Variants in UNC5C observed in about 807,000 individuals in gnomAD.
UNC5C encodes unc-5 netrin receptor C.
UNC5C carries 47 observed loss-of-function variants against 99.8 expected under a neutral mutation model. The observed-to-expected ratio is 0.47, with a 90% CI of 0.37 to 0.60. The LOEUF (loss-of-function observed/expected upper bound fraction) is 0.60. Among genes scored for constraint, UNC5C ranks in the 20% least tolerant of loss-of-function variants. UNC5C has a pLI of 0.00. For missense variants in UNC5C, 1,062 were observed against 1,165.9 expected, an observed-to-expected ratio of 0.91 and a Z score of 1.30; for synonymous variants, 487 against 452.2, an observed-to-expected ratio of 1.08 and a Z score of -0.98.
chr4:95,278,449 AT>A, intron 3 of UNC5C, 87 bp from the exon 4 acceptor site: 1 of 967,626 alleles, frequency 1.0e-6, no homozygotes, highest in Non-Finnish European at 1.6e-6. Context: ...CTGGCTTAGT[AT>A]TTTATCTGTG....
intron 1 of UNC5C, among the ~76,000 whole-genome samples, chr4:95,359,484 T>G (rs1327898578): frequency 3.4e-5 from 5 of 144,942 alleles, no homozygotes; most frequent in Admixed American, 6.7e-5. Flanking sequence ...CTATACTGTT[T>G]CTAAAAAAAA....
At chr4:95,280,566 G>A (rs544065273) in intron 3 of UNC5C, among the ~76,000 whole-genome samples, 16 of 152,124 alleles carry the variant, frequency 1.1e-4, no homozygotes, top group African/African-American at 3.6e-4. Flanking sequence ...GCGTGGGCCT[G>A]TAGTCCTAGC....
At chr4:95,368,374 G>A (rs577807094) in intron 1 of UNC5C, among the ~76,000 whole-genome samples, 3 of 148,522 alleles carry the variant, frequency 2.0e-5, no homozygotes, top group Non-Finnish European at 3.0e-5. Flanking sequence ...TCCCATTATG[G>A]CATTGGTAAG....
At chr4:95,301,059 T>C (rs1047933316) in intron 3 of UNC5C, among the ~76,000 whole-genome samples, 3 of 152,094 alleles carry the variant, frequency 2.0e-5, no homozygotes, top group African/African-American at 4.8e-5. Context: ...TCACATACCA[T>C]GTAAATATAT....
intron 1 of UNC5C, among the ~76,000 whole-genome samples, chr4:95,478,928 C>T (rs189872003): frequency 1.6e-4 from 25 of 151,822 alleles, no homozygotes; most frequent in African/African-American, 6.0e-4. Flanking sequence ...TTAAAAGGAA[C>T]CTGGCACCTT....
intron 1 of UNC5C, among the ~76,000 whole-genome samples, chr4:95,463,192 G>A (rs1284004700): frequency 1.3e-5 from 2 of 152,024 alleles, no homozygotes; most frequent in Non-Finnish European, 2.9e-5. Context: ...TGTCAGCCAG[G>A]CTGCAGTGCC....
chr4:95,205,344 A>C (rs1228956208), intron 11 of UNC5C, among the ~76,000 whole-genome samples: 1 of 152,222 alleles, frequency 6.6e-6, no homozygotes, highest in Admixed American at 6.5e-5. Flanking sequence ...AACAGAATGA[A>C]AGTTAGATCT....
chr4:95,545,647 C>T (rs116318565), intron 1 of UNC5C, among the ~76,000 whole-genome samples: 87 of 152,192 alleles, frequency 5.7e-4, no homozygotes, highest in African/African-American at 2.0e-3. Context: ...GGTGTTAACA[C>T]TCATAACACT....
intron 1 of UNC5C, among the ~76,000 whole-genome samples, chr4:95,424,483 T>C (rs1343309274): frequency 6.7e-6 from 1 of 149,886 alleles, no homozygotes; most frequent in Non-Finnish European, 1.5e-5. Flanking sequence ...GATATTTTTC[T>C]ATGTAACAGG....
intron 1 of UNC5C, among the ~76,000 whole-genome samples, chr4:95,371,616 G>A (rs781302524): frequency 2.6e-5 from 4 of 152,060 alleles, no homozygotes; most frequent in Non-Finnish European, 5.9e-5. Context: ...TTTCACTTGA[G>A]AAACAGGGAT....
intron 1 of UNC5C, among the ~76,000 whole-genome samples, chr4:95,375,539 G>A (rs1279594514): frequency 2.0e-5 from 3 of 152,050 alleles, no homozygotes; most frequent in Non-Finnish European, 4.4e-5. Context: ...ACCCACAAAA[G>A]CATCATACAA....
At chr4:95,250,293 G>A (rs1315150590) in intron 5 of UNC5C, among the ~76,000 whole-genome samples, 194 bp downstream of exon 5, 1 of 152,134 alleles carries the variant, frequency 6.6e-6, no homozygotes, top group Admixed American at 6.6e-5. Context: ...GCTGAGGTGG[G>A]AGTATCCCTT....
intron 1 of UNC5C, among the ~76,000 whole-genome samples, chr4:95,495,163 AT>A (rs1211659383): frequency 6.6e-6 from 1 of 151,276 alleles, no homozygotes; most frequent in Non-Finnish European, 1.5e-5. Flanking sequence ...ATTGTTCTCT[AT>A]TTTTTTCTTT....
chr4:95,358,615 TCTC>T (rs1744288838), intron 1 of UNC5C, among the ~76,000 whole-genome samples: 1 of 152,182 alleles, frequency 6.6e-6, no homozygotes. Context: ...AGTCCTCACT[TCTC>T]CTTAACATTT....
chr4:95,216,191 C>T lies in UNC5C; in HGVS notation c.1666G>A (p.Ala556Thr), dbSNP rs774698598. The stretch of plus-strand genomic sequence containing the variant: ...ACTCTCCCTTGGGGAATGGCCCCAG[C>T]GGGAATCAGCAAGCTGACTCCTGAA... Reference protein sequence around the residue: ...PNSGVSLLIPAGAIPQGRVYE... With the variant: ...PNSGVSLLIPTGAIPQGRVYE... Residue 556 changes from alanine (A) to threonine (T), a missense_variant, in exon 10 of 16, where the codon GCT (alanine) becomes ACT (threonine). By Grantham distance (58) the Ala-to-Thr change is moderately conservative (BLOSUM62 0). This residue lies in a region of UNC5C where 810 missense variants were observed against 854.5 expected (regional missense o/e 0.95). Coordinates refer to ENST00000453304, the MANE Select transcript of UNC5C (RefSeq NM_003728.4). The T allele has an allele frequency of 3.8e-5, 62 of 1,613,138 alleles. No homozygotes were observed. Among genetic ancestry groups the T allele is most frequent in the Non-Finnish European group, 4.9e-5 (58 of 1,179,818 alleles).
intron 5 of UNC5C, among the ~76,000 whole-genome samples, chr4:95,245,746 TG>T (rs1174644813): frequency 6.6e-6 from 1 of 152,214 alleles, no homozygotes; most frequent in Non-Finnish European, 1.5e-5. Context: ...ACTTACTTTG[TG>T]TATAAAGGCC....
intron 1 of UNC5C, among the ~76,000 whole-genome samples, chr4:95,485,861 A>G (rs1436216120): frequency 6.6e-6 from 1 of 151,740 alleles, no homozygotes; most frequent in Non-Finnish European, 1.5e-5. Flanking sequence ...GAGTATTAAT[A>G]GTAACACAGT....
intron 1 of UNC5C, among the ~76,000 whole-genome samples, chr4:95,547,841 C>T (rs1463601763): frequency 6.6e-6 from 1 of 152,192 alleles, no homozygotes; most frequent in Non-Finnish European, 1.5e-5. Context: ...CGATCAGCTC[C>T]GGAGCCTCCC....
At chr4:95,497,335 T>C (rs1425448191) in intron 1 of UNC5C, among the ~76,000 whole-genome samples, 1 of 151,916 alleles carries the variant, frequency 6.6e-6, no homozygotes, top group Non-Finnish European at 1.5e-5. Context: ...GCACTTACTT[T>C]AAAATATAAA....
Sources: gnomAD v4.1 joint callset for allele counts (sites outside exome capture counted in the v4.1 genomes callset) on GRCh38, gnomAD v4.1.1 for gene constraint, gnomAD v4.1.1 regional missense constraint, MANE v1.5 for transcripts, NCBI Gene and HGNC (gene_info 2026-07-23, HGNC 2026-07-21) for gene names.